Variants in FAT2 observed in about 807,000 individuals in gnomAD.
The protein encoded by FAT2 is FAT atypical cadherin 2.
In FAT2, 150 loss-of-function variants were observed where a neutral mutation model predicts 295.3. The observed-to-expected ratio is 0.51, with a 90% CI of 0.44 to 0.58. The LOEUF (loss-of-function observed/expected upper bound fraction) is 0.58. Among genes scored for constraint, FAT2 ranks in the 20% least tolerant of loss-of-function variants. FAT2 has a pLI of 0.00. For missense variants in FAT2, 4,868 were observed against 5,442.7 expected (o/e 0.89, Z 3.32); for synonymous variants, 2,026 against 2,150.3 (o/e 0.94, Z 1.60).
Position 151,568,404 on chromosome 5 carries a change from A to G in FAT2, c.528T>C (p.Asp176=). Residue 176 remains aspartate (D), a synonymous_variant, in exon 2 of 24, where the codon GAT becomes GAC. Transcript: ENST00000261800. The stretch of plus-strand genomic sequence containing the variant: ...AATAGAACTCAGCATTCTGGCCTAG[A>G]TCAGCATCTGTGGCAGTCACCTTGC... ...PICKVTATDA[D]LGQNAEFYYA... is the part of the protein sequence containing the mutation. 1 of 1,614,208 alleles carries G rather than the reference A, an allele frequency of 6.2e-7. No individual in the cohort carries two copies. Among genetic ancestry groups the G allele is most frequent in the Non-Finnish European group, 8.5e-7 (1 of 1,180,032 alleles).
Position 151,504,335 on chromosome 5 carries a change from G to C in FAT2, c.*1230C>G, listed in dbSNP as rs1760682023. On this transcript the variant is annotated 3_prime_UTR_variant, in exon 24 of 24. Coordinates refer to ENST00000261800, the MANE Select transcript of FAT2 (RefSeq NM_001447.3). ...GCAGTGGACCAGAGGGAGGGACTGG[G>C]TGGGAGGGAGTGGTGAGGTCACCAA... 6.6e-6 allele frequency: 1 copy of C among 152,564 alleles called. No homozygotes were observed. The highest frequency in any genetic ancestry group is 6.5e-5 in the Admixed American group (1 of 15,282). 9.5% of individuals were successfully genotyped at this position (152,564 alleles called of 1,614,324 possible).
chr5:151,517,613 G>A lies in FAT2; in HGVS notation c.11463+7C>T. ...ACATGAAATCTCTCAGGCTGGCAGT[G>A]CCTTACCTTCAGGGAGACGGACGCT... On this transcript the variant is annotated splice_region_variant and intron_variant, in intron 20 of 23. Transcript: ENST00000261800. 6.2e-7 allele frequency: 1 copy of A among 1,613,848 alleles called. No homozygotes were observed. The highest frequency in any genetic ancestry group is 1.1e-5 in the South Asian group (1 of 91,046).
intron 1 of FAT2, among the ~76,000 whole-genome samples, chr5:151,583,038 A>G (rs1163020454): frequency 3.3e-5 from 5 of 151,960 alleles, no homozygotes; most frequent in Non-Finnish European, 7.4e-5. Context: ...AGCATCTCCA[A>G]CCCCAGAGGC....
chr5:151,571,734 T>A (rs1758535620), intron 1 of FAT2, among the ~76,000 whole-genome samples: 1 of 152,248 alleles, frequency 6.6e-6, no homozygotes, highest in Non-Finnish European at 1.5e-5. Flanking sequence ...CGCAGAAGCA[T>A]GTTAGGCTCC....
upstream of FAT2, among the ~76,000 whole-genome samples, chr5:151,593,031 G>A (rs1344326718): frequency 6.6e-6 from 1 of 152,196 alleles, no homozygotes; most frequent in Non-Finnish European, 1.5e-5. Context: ...TGTCCAGAGG[G>A]ATTCCCCACC....
chr5:151,546,700 ATTTTTAACCAT>A (rs1561856871), intron 9 of FAT2, among the ~76,000 whole-genome samples: 1 of 152,054 alleles, frequency 6.6e-6, no homozygotes, highest in African/African-American at 2.4e-5. Context: ...ATCATACAGA[ATTTTTAACCAT>A]CTTTTGTATA....
intron 13 of FAT2, among the ~76,000 whole-genome samples, chr5:151,534,185 G>A (rs769060917): frequency 6.6e-6 from 1 of 152,196 alleles, no homozygotes; most frequent in Non-Finnish European, 1.5e-5. Context: ...GAAACAATAA[G>A]GCTGAAATAC....
chr5:151,578,352 G>A (rs778638294), intron 1 of FAT2, among the ~76,000 whole-genome samples: 1 of 152,196 alleles, frequency 6.6e-6, no homozygotes, highest in African/African-American at 2.4e-5. Flanking sequence ...CCCAACTGGG[G>A]CAACCTTGAA....
At chr5:151,530,680 G>A (rs141809344) in intron 14 of FAT2, among the ~76,000 whole-genome samples, 1,604 of 152,308 alleles carry the variant, frequency 0.011, 26 homozygotes, top group African/African-American at 0.037. Context: ...TATCTTTTAG[G>A]TGTGATAAGG....
In FAT2 at chr5:151,591,258, T is replaced by C. The variant is rs1581485383; in HGVS notation, c.-114A>G. On this transcript the variant is annotated 5_prime_UTR_variant, in exon 1 of 24. Coordinates refer to ENST00000261800, the MANE Select transcript of FAT2 (RefSeq NM_001447.3). Reference sequence around the variant, plus strand: ...CAGGCTGACAGGCTCCTGAGGGAGGTGCAGAGACTCGGAGCAGGAAGGCGC... The same window carrying C: ...CAGGCTGACAGGCTCCTGAGGGAGGCGCAGAGACTCGGAGCAGGAAGGCGC... Among the ~76,000 whole-genome samples, 1 of 151,604 alleles carries C rather than the reference T, an allele frequency of 6.6e-6. No homozygotes were observed. Among genetic ancestry groups the C allele is most frequent in the Non-Finnish European group, 1.5e-5 (1 of 67,944 alleles).
At chr5:151,571,630 T>C (rs763046788) in intron 1 of FAT2, among the ~76,000 whole-genome samples, 1 of 152,230 alleles carries the variant, frequency 6.6e-6, no homozygotes, top group Non-Finnish European at 1.5e-5. Flanking sequence ...CTGTAGGACC[T>C]GCACACCTGG....
In FAT2 at chr5:151,531,526, A is replaced by T. The variant is rs2127590787; in HGVS notation, c.9811+61T>A. 3.1e-6 allele frequency: 5 copies of T among 1,597,238 alleles called. No homozygotes were observed. Among genetic ancestry groups the T allele is most frequent in the Non-Finnish European group, 4.3e-6 (5 of 1,171,474 alleles). On this transcript the variant is annotated intron_variant, in intron 14 of 23. Coordinates refer to ENST00000261800, the MANE Select transcript of FAT2 (RefSeq NM_001447.3). The surrounding 1 kb of genome is among the most constrained non-coding windows in gnomAD (Gnocchi z 5.7). ...GGGTAGATACCCACACAGGGGAGGA[A>T]CCCAGCGCTCCCAGAAACCCTGTAC... is the stretch of plus-strand genomic sequence containing the variant.
intron 23 of FAT2, 24 bp from the exon 24 acceptor site, chr5:151,506,121 G>A (rs1038575386): frequency 6.7e-7 from 1 of 1,490,326 alleles, no homozygotes; most frequent in Non-Finnish European, 8.8e-7. Context: ...GCAAGATAGG[G>A]TGAGCTCATT....
intron 11 of FAT2, 73 bp downstream of exon 11, chr5:151,540,492 ACT>A (rs750880439): frequency 2.1e-5 from 28 of 1,346,744 alleles, no homozygotes; most frequent in Non-Finnish European, 2.6e-5. Flanking sequence ...CCTGCTCCTC[ACT>A]CTCTGTTCTC....
In FAT2 at chr5:151,522,002, C is replaced by G; in HGVS notation, c.10591G>C (p.Ala3531Pro). The G allele has an allele frequency of 6.2e-7, 1 of 1,614,168 alleles. No individual in the cohort carries two copies. The highest frequency in any genetic ancestry group is 8.5e-7 in the Non-Finnish European group (1 of 1,179,990). Residue 3531 changes from alanine to proline, a missense_variant, in exon 19 of 24, where the codon GCT (alanine) becomes CCT (proline). By Grantham distance (27) the Ala-to-Pro change is conservative. Around this residue, in one of 5 missense-constraint regions of FAT2, gnomAD observed 1,046 missense variants for 1,210.1 expected, o/e 0.86. Coordinates refer to ENST00000261800, the MANE Select transcript of FAT2 (RefSeq NM_001447.3). ...VTEQSHYAPS[A>P]LPLEIFITVG... is the part of the protein sequence containing the mutation. Reference sequence around the variant, plus strand: ...GTGATGAAGATCTCCAGTGGGAGAGCAGAAGGTGCATAGTGGCTCTGCTCT... The same window carrying G: ...GTGATGAAGATCTCCAGTGGGAGAGGAGAAGGTGCATAGTGGCTCTGCTCT...
chr5:151,509,981 T>G (rs768862076), intron 22 of FAT2, 40 bp downstream of exon 22: 31 of 1,603,482 alleles, frequency 1.9e-5, no homozygotes, highest in Non-Finnish European at 2.5e-5. Context: ...GCGCATTCCC[T>G]AACAAGGAGC....
In FAT2 at chr5:151,545,287, A is replaced by G; in HGVS notation, c.5840T>C (p.Leu1947Ser). The G allele has an allele frequency of 6.2e-7, 1 of 1,614,128 alleles. No individual in the cohort carries two copies. Residue 1947 changes from leucine (L) to serine (S), a missense_variant, in exon 10 of 24, where the codon TTG becomes TCG. Leu to Ser is a moderately radical substitution (Grantham distance 145). Transcript: ENST00000261800. ...TTTTACCAGCGCAGTGTCTTGATAC[A>G]AGCCATCAGAAGCCCTGATGGTGAG... ...RKLTIRASDG[L>S]YQDTALVKIS...
intron 19 of FAT2, among the ~76,000 whole-genome samples, chr5:151,518,701 C>T (rs1434813142): frequency 6.6e-6 from 1 of 152,238 alleles, no homozygotes; most frequent in African/African-American, 2.4e-5. Flanking sequence ...CCCGCCTTAG[C>T]AATGGCTAAT....
intron 9 of FAT2, among the ~76,000 whole-genome samples, chr5:151,547,900 T>G (rs1756804337): frequency 6.6e-6 from 1 of 152,228 alleles, no homozygotes; most frequent in African/African-American, 2.4e-5. Context: ...TTGTGTTCTT[T>G]ATACATTCCT....
Sources: allele counts gnomAD v4.1 joint callset (sites outside exome capture counted in the v4.1 genomes callset), GRCh38; gene constraint gnomAD v4.1.1; regional missense constraint gnomAD v4.1.1; non-coding constraint Gnocchi (gnomAD v3.1); transcripts MANE v1.5; gene names NCBI Gene and HGNC (gene_info 2026-07-23, HGNC 2026-07-21).